CDH23: variants seen among roughly 807,000 people sequenced by gnomAD.
The protein encoded by CDH23 is cadherin-23.
In CDH23, 189 loss-of-function variants were observed where a neutral mutation model predicts 317.1. The ratio of observed to expected loss-of-function variants is 0.60; its 90% CI spans 0.53 to 0.67. CDH23 has a LOEUF of 0.67. CDH23 is among the 30% of genes least tolerant of loss of function. The pLI is 0.00. For synonymous variants in CDH23, 1,839 were observed against 1,876.8 expected (o/e 0.98, Z 0.52); for missense variants, 4,401 against 4,592.4 (o/e 0.96, Z 1.20).
intron 28 of CDH23, among the ~76,000 whole-genome samples, chr10:71,723,584 A>G (rs1000319008): frequency 1.3e-5 from 2 of 152,184 alleles, no homozygotes; most frequent in Admixed American, 6.5e-5. Context: ...TACAGTGTAC[A>G]GTGCCGGCTG....
intron 3 of CDH23, among the ~76,000 whole-genome samples, chr10:71,484,868 A>C (rs964434001): frequency 5.9e-5 from 9 of 151,994 alleles, no homozygotes; most frequent in Non-Finnish European, 1.3e-4. Context: ...TGTCTGTAAA[A>C]TGGGGACTTG....
chr10:71,614,434 A>G (rs543232883), intron 9 of CDH23, among the ~76,000 whole-genome samples: 9 of 152,352 alleles, frequency 5.9e-5, no homozygotes, highest in African/African-American at 2.2e-4. Flanking sequence ...CACATGTGGG[A>G]AGGGCATATA....
chr10:71,444,110 A>G (rs752617571), intron 2 of CDH23, among the ~76,000 whole-genome samples: 3 of 152,200 alleles, frequency 2.0e-5, no homozygotes, highest in Non-Finnish European at 2.9e-5. Context: ...GCTCTCCTGT[A>G]TCCTGAGCCC....
chr10:71,569,082 C>G (rs573110980), intron 7 of CDH23, among the ~76,000 whole-genome samples: 1 of 152,200 alleles, frequency 6.6e-6, no homozygotes, highest in South Asian at 2.1e-4. Flanking sequence ...TCATTCAGGT[C>G]CCTAGCTGGG....
At chr10:71,593,686 G>A (rs1859650824) in intron 9 of CDH23, among the ~76,000 whole-genome samples, 1 of 152,210 alleles carries the variant, frequency 6.6e-6, no homozygotes, top group Non-Finnish European at 1.5e-5. Flanking sequence ...GTGGACACAT[G>A]TAAAGATGCT....
intron 1 of CDH23, among the ~76,000 whole-genome samples, chr10:71,422,193 G>A (rs1848850122): frequency 6.6e-6 from 1 of 152,206 alleles, no homozygotes; most frequent in African/African-American, 2.4e-5. Context: ...GTGTACAGAA[G>A]TGAGCACTGG....
intron 19 of CDH23, 30 bp downstream of exon 19, chr10:71,687,749 A>T: frequency 3.1e-6 from 5 of 1,604,614 alleles, no homozygotes; most frequent in Non-Finnish European, 4.3e-6. Flanking sequence ...GGTGGGGGGC[A>T]CATGGAGGTA....
At chr10:71,687,795 C>G in intron 19 of CDH23, 76 bp downstream of exon 19, 4 of 1,351,630 alleles carry the variant, frequency 3.0e-6, no homozygotes, top group Non-Finnish European at 4.2e-6. Flanking sequence ...GATGTGCAGA[C>G]CCCGGCTCTG....
intron 21 of CDH23, 81 bp downstream of exon 21, chr10:71,694,340 T>C (rs1865295526): frequency 1.9e-6 from 2 of 1,077,090 alleles, no homozygotes; most frequent in Admixed American, 2.0e-5. Context: ...TGGACCCCCG[T>C]GTCCTGAGCC....
rs1208918289 is a variant in CDH23, at chr10:71,455,001, C to A, written c.145+8606C>A. On this transcript the variant is annotated intron_variant, in intron 3 of 69. Coordinates refer to ENST00000224721, the MANE Select transcript of CDH23 (RefSeq NM_022124.6). Reference sequence around the variant, plus strand: ...TACAGGCTAATGAAGCAACACCTGGCTAATTTTTAATTTTTGTGTGTGTGA... The same window carrying A: ...TACAGGCTAATGAAGCAACACCTGGATAATTTTTAATTTTTGTGTGTGTGA... Among the ~76,000 whole-genome samples, 9 of 152,130 alleles carry A rather than the reference C, an allele frequency of 5.9e-5. No homozygotes were observed. The East Asian group carries it at 1.5e-3, about 26-fold the overall frequency.
chr10:71,643,969 C>A, intron 12 of CDH23, 103 bp downstream of exon 12: 3 of 726,748 alleles, frequency 4.1e-6, no homozygotes, highest in East Asian at 2.5e-5. Context: ...CTCCCCCACC[C>A]TCTCAGGCCC....
intron 9 of CDH23, 47 bp from the exon 10 acceptor site, chr10:71,615,457 C>A: frequency 7.1e-7 from 1 of 1,411,260 alleles, no homozygotes; most frequent in East Asian, 2.3e-5. Context: ...GCTCCATGCC[C>A]CCCTGCCCTG....
chr10:71,689,126 G>GGGTCGTGGAGCCAAT (rs1865074596), intron 19 of CDH23, among the ~76,000 whole-genome samples: 1 of 116,244 alleles, frequency 8.6e-6, no homozygotes, highest in Non-Finnish European at 2.0e-5. Flanking sequence ...GTGGAGCCAG[G>GGGTCGTGGAGCCAAT]GGTGGTGGAG....
chr10:71,769,947 T>G (rs1343306082), intron 38 of CDH23, among the ~76,000 whole-genome samples: 1 of 152,044 alleles, frequency 6.6e-6, no homozygotes, highest in Admixed American at 6.6e-5. Flanking sequence ...AGTTGCAATG[T>G]CCCCATCTCC....
At chr10:71,532,719 T>G (rs1418794616) in intron 6 of CDH23, among the ~76,000 whole-genome samples, 95 of 40,968 alleles carry the variant, frequency 2.3e-3, no homozygotes, top group Non-Finnish European at 2.7e-3. Context: ...TTGTTTTTTT[T>G]TTTTTTTGTT....
intron 14 of CDH23, among the ~76,000 whole-genome samples, chr10:71,656,599 G>A (rs1186650986): frequency 2.6e-5 from 4 of 152,306 alleles, no homozygotes; most frequent in South Asian, 4.1e-4. Context: ...GGGCAGGGGC[G>A]GGGAGTGCCA....
At chr10:71,556,037 C>CA (rs1263652919) in intron 6 of CDH23, among the ~76,000 whole-genome samples, 1 of 152,082 alleles carries the variant, frequency 6.6e-6, no homozygotes, top group African/African-American at 2.4e-5. Flanking sequence ...GAAGGCAGGT[C>CA]AAAAAGACAG....
rs562788061 is a variant in CDH23, at chr10:71,757,114, C to T, written c.4845+15193C>T. 3.5e-4 allele frequency among the ~76,000 whole-genome samples: 54 copies of T among 152,318 alleles called. No individual in the cohort carries two copies. The South Asian group carries it at 0.01, about 29-fold the overall frequency. On this transcript the variant is annotated intron_variant, in intron 38 of 69. Coordinates refer to ENST00000224721, the MANE Select transcript of CDH23 (RefSeq NM_022124.6). Reference sequence around the variant, plus strand: ...CAGACACCTCAGTATTTCAAAACCCCCATCAAAGGACCTTATTGTGGGCAA... The same window carrying T: ...CAGACACCTCAGTATTTCAAAACCCTCATCAAAGGACCTTATTGTGGGCAA...
intron 53 of CDH23, 77 bp from the exon 54 acceptor site, chr10:71,802,821 T>G: frequency 2.0e-6 from 3 of 1,489,724 alleles, no homozygotes; most frequent in Non-Finnish European, 2.8e-6. Flanking sequence ...CTATCCAGGC[T>G]TACTCCTGCA....
Sources: allele counts gnomAD v4.1 joint callset (sites outside exome capture counted in the v4.1 genomes callset), GRCh38; gene constraint gnomAD v4.1.1; transcripts MANE v1.5; gene names NCBI Gene and HGNC (gene_info 2026-07-23, HGNC 2026-07-21).